Variants in MTHFD1L observed in about 807,000 individuals in gnomAD.
MTHFD1L encodes the protein monofunctional C1-tetrahydrofolate synthase, mitochondrial.
MTHFD1L carries 81 observed loss-of-function variants against 119.5 expected under a neutral mutation model. That is an observed-to-expected ratio of 0.68 (90% CI 0.57 to 0.82). MTHFD1L has a LOEUF of 0.82. MTHFD1L is among the 40% of genes least tolerant of loss of function. The pLI, the probability that MTHFD1L is intolerant of heterozygous loss-of-function variation, is 0.00. For synonymous variants in MTHFD1L, 430 were observed against 475.2 expected (o/e 0.90, Z 1.24); for missense variants, 1,125 against 1,253.4 (o/e 0.90, Z 1.55).
At chr6:150,933,534 T>C (rs940891027) in intron 11 of MTHFD1L, among the ~76,000 whole-genome samples, 1 of 152,130 alleles carries the variant, frequency 6.6e-6, no homozygotes, top group Non-Finnish European at 1.5e-5. Flanking sequence ...CAGAGGTGAC[T>C]GATAAGCCGG....
At chr6:151,064,379 C>T (rs1790988490) in intron 26 of MTHFD1L, among the ~76,000 whole-genome samples, 1 of 152,076 alleles carries the variant, frequency 6.6e-6, no homozygotes, top group African/African-American at 2.4e-5. Flanking sequence ...GTGGTGTGAT[C>T]TTGGCTCATT....
chr6:151,090,004 C>T (rs1369894303), intron 26 of MTHFD1L, among the ~76,000 whole-genome samples: 4 of 152,342 alleles, frequency 2.6e-5, no homozygotes, highest in African/African-American at 9.6e-5. Flanking sequence ...TTATGAACGG[C>T]AGCTGTATTC....
At chr6:150,907,835 T>C (rs1159302173) in intron 8 of MTHFD1L, among the ~76,000 whole-genome samples, 1 of 152,132 alleles carries the variant, frequency 6.6e-6, no homozygotes, top group African/African-American at 2.4e-5. Flanking sequence ...ATAGTTTTCT[T>C]GTTGGTTTTT....
rs188132155 is a variant in MTHFD1L, at chr6:150,947,548, A to G, written c.1624-1483A>G. Among the ~76,000 whole-genome samples the G allele has an allele frequency of 3.0e-3, 464 of 152,216 alleles. 8 individuals are homozygous for G. The highest frequency in any genetic ancestry group is 0.021 in the Admixed American group (317 of 15,284). ...GGAGTTCATGACCAGCCCAGGCAACATAGCAAGACCCCCGTCTCTACAAAA... is the reference window on the plus strand; with the variant it reads ...GGAGTTCATGACCAGCCCAGGCAACGTAGCAAGACCCCCGTCTCTACAAAA... On this transcript the variant is annotated intron_variant, in intron 15 of 27. Transcript: ENST00000367321.
chr6:151,030,611 G>T (rs987538530), intron 24 of MTHFD1L, among the ~76,000 whole-genome samples: 3 of 152,224 alleles, frequency 2.0e-5, no homozygotes, highest in African/African-American at 7.2e-5. Context: ...GGCTGCTCAT[G>T]ATCTAAGATT....
intron 16 of MTHFD1L, among the ~76,000 whole-genome samples, chr6:150,951,001 A>G (rs542158330): frequency 1.3e-5 from 2 of 150,430 alleles, no homozygotes; most frequent in Non-Finnish European, 3.0e-5. Flanking sequence ...TTGTCTCCCA[A>G]ACTAAACTAA....
At chr6:151,033,718 A>G (rs966082992) in intron 24 of MTHFD1L, among the ~76,000 whole-genome samples, 4 of 152,132 alleles carry the variant, frequency 2.6e-5, no homozygotes, top group African/African-American at 9.7e-5. Flanking sequence ...TTTCCAATAT[A>G]GTGTTTGATC....
At chr6:151,053,120 T>C (rs919354851) in intron 26 of MTHFD1L, among the ~76,000 whole-genome samples, 5 of 152,228 alleles carry the variant, frequency 3.3e-5, no homozygotes, top group Non-Finnish European at 7.3e-5. Context: ...TCTTCTCTGT[T>C]TGAGATACCA....
At chr6:150,993,988 A>G (rs763454101) in intron 20 of MTHFD1L, among the ~76,000 whole-genome samples, 2 of 149,570 alleles carry the variant, frequency 1.3e-5, no homozygotes, top group East Asian at 2.0e-4. Flanking sequence ...GAAAAATGCT[A>G]TGATGTTTCT....
chr6:150,959,542 G>A (rs993577645), intron 17 of MTHFD1L, among the ~76,000 whole-genome samples: 9 of 152,218 alleles, frequency 5.9e-5, no homozygotes, highest in African/African-American at 2.2e-4. Context: ...AAAAGTCTGT[G>A]CTCTCTAGCT....
At position 150,941,403 on chromosome 6, in the gene MTHFD1L, G is replaced by A. The variant is rs142556480; in HGVS notation, c.1440+2658G>A. Among the ~76,000 whole-genome samples, 1,487 of 152,288 alleles carry A rather than the reference G, an allele frequency of 9.8e-3. 12 individuals carry two copies. The highest frequency in any genetic ancestry group is 0.017 in the Middle Eastern group (5 of 294). ...AAGTGCCAAGGTCAGCCATTGAAGG[G>A]ATCTTGACAGATAACACAATGCAGA... On this transcript the variant is annotated intron_variant, in intron 13 of 27. Transcript: ENST00000367321.
In MTHFD1L at chr6:151,057,360, G is replaced by A. The variant is rs536085557; in HGVS notation, c.2847+20243G>A. On this transcript the variant is annotated intron_variant, in intron 26 of 27. Coordinates refer to ENST00000367321, the MANE Select transcript of MTHFD1L (RefSeq NM_015440.5). Reference sequence around the variant, plus strand: ...GACTGCTTTAAGGCCTGAGAGACCGGCCAGGTACTGTGGCTCACGTCTGTA... The same window carrying A: ...GACTGCTTTAAGGCCTGAGAGACCGACCAGGTACTGTGGCTCACGTCTGTA... The A allele has an allele frequency of 9.8e-5, 97 of 985,254 alleles. 1 individual carries two copies. In the South Asian group the frequency reaches 4.0e-3, roughly 41 times the overall value. The allele number at this position is 985,254 out of a possible 1,614,324, so 61.0% of individuals were successfully genotyped here. A position where few individuals can be genotyped will look rare whatever the true frequency, so the allele number is the denominator to read the frequency against.
At chr6:150,998,249 G>A (rs1780103927) in intron 20 of MTHFD1L, among the ~76,000 whole-genome samples, 1 of 152,106 alleles carries the variant, frequency 6.6e-6, no homozygotes, top group South Asian at 2.1e-4. Context: ...TGATCAGCCT[G>A]CTTGTATTGA....
intron 20 of MTHFD1L, among the ~76,000 whole-genome samples, chr6:150,997,068 G>A (rs1000676946): frequency 1.3e-5 from 2 of 152,098 alleles, no homozygotes; most frequent in African/African-American, 2.4e-5. Flanking sequence ...GACTCTTACC[G>A]CTGTCATTGA....
chr6:151,076,118 C>G (rs1359752674), intron 26 of MTHFD1L, among the ~76,000 whole-genome samples: 5 of 152,324 alleles, frequency 3.3e-5, no homozygotes, highest in African/African-American at 9.6e-5. Flanking sequence ...TGCCTGTAAT[C>G]CCAACACTTT....
intron 21 of MTHFD1L, among the ~76,000 whole-genome samples, chr6:151,012,619 T>C (rs1368062361): frequency 6.6e-6 from 1 of 152,182 alleles, no homozygotes; most frequent in Non-Finnish European, 1.5e-5. Context: ...ACTAATATTG[T>C]GCTATGCTTT....
chr6:150,918,715 T>C (rs1788413839), intron 9 of MTHFD1L, 47 bp downstream of exon 9: 1 of 1,490,588 alleles, frequency 6.7e-7, no homozygotes, highest in Non-Finnish European at 9.4e-7. Flanking sequence ...GGAAGTTTGA[T>C]TAATAGTTGC....
chr6:151,088,552 G>A (rs117414516), intron 26 of MTHFD1L, among the ~76,000 whole-genome samples: 8,069 of 150,458 alleles, frequency 0.054, 316 homozygotes, highest in South Asian at 0.15. Flanking sequence ...TGCCTCCCGA[G>A]TTCAAACGAT....
chr6:150,976,284 T>C lies in MTHFD1L; in HGVS notation c.2125+4226T>C, dbSNP rs536341818. Among the ~76,000 whole-genome samples the C allele has an allele frequency of 9.9e-5, 15 of 152,276 alleles. No individual in the cohort carries two copies. The East Asian group carries it at 2.3e-3, about 24-fold the overall frequency. The stretch of plus-strand genomic sequence containing the variant: ...GAGCTGGATGTGGCACACTGATAAC[T>C]TTCTTTGAAGAAATTCTTTCCCAGG... On this transcript the variant is annotated intron_variant, in intron 20 of 27. Transcript: ENST00000367321.
Sources: allele counts gnomAD v4.1 joint callset (sites outside exome capture counted in the v4.1 genomes callset), GRCh38; gene constraint gnomAD v4.1.1; transcripts MANE v1.5; gene names NCBI Gene and HGNC (gene_info 2026-07-23, HGNC 2026-07-21).